Variants in KCTD5 observed in about 807,000 individuals in gnomAD.
KCTD5 encodes BTB/POZ domain-containing protein KCTD5.
A neutral mutation model predicts 27.9 loss-of-function variants in KCTD5; 12 were observed. That is an observed-to-expected ratio of 0.43 (90% CI 0.28 to 0.70). The LOEUF (loss-of-function observed/expected upper bound fraction) is 0.70, where lower values mean the gene tolerates loss of function less well. Ranked by LOEUF, KCTD5 falls within the 30% of genes least tolerant of loss-of-function variation. KCTD5 has a pLI of 0.19. For missense variants in KCTD5, 226 were observed against 274.8 expected, an observed-to-expected ratio of 0.82 and a Z score of 1.26; for synonymous variants, 147 against 121.4, an observed-to-expected ratio of 1.21 and a Z score of -1.39.
Position 2,707,478 on chromosome 16 carries a change from G to A in KCTD5, c.*151G>A, listed in dbSNP as rs745547850. The A allele has an allele frequency of 1.2e-6, 1 of 840,604 alleles. No homozygotes were observed. The allele number at this position is 840,604 out of a possible 1,614,324, so 52.1% of individuals were successfully genotyped here. On this transcript the variant is annotated 3_prime_UTR_variant, in exon 6 of 6. Transcript: ENST00000301738. ...TGAATCCTTTTTTGCCTCTGAGGTG[G>A]GTGGTGAGAGACGGGCCCAGCTGTC...
intron 5 of KCTD5, among the ~76,000 whole-genome samples, chr16:2,702,925 A>G (rs1452376324): frequency 6.6e-6 from 1 of 152,098 alleles, no homozygotes; most frequent in African/African-American, 2.4e-5. Context: ...CCCTGAGTGC[A>G]GGGGTGGGTA....
chr16:2,692,891 G>A (rs973971425), intron 1 of KCTD5, among the ~76,000 whole-genome samples: 1 of 152,268 alleles, frequency 6.6e-6, no homozygotes, highest in Non-Finnish European at 1.5e-5. Flanking sequence ...GGCCTTTCTG[G>A]GCCCCCAAGA....
At position 2,707,683 on chromosome 16, in the gene KCTD5, A is replaced by G; in HGVS notation, c.*356A>G. The stretch of plus-strand genomic sequence containing the variant: ...TTCTTGGTGCTACACACAGTCTGGA[A>G]AAGCAGCCTGGGCTTCACTGGCAGG... On this transcript the variant is annotated 3_prime_UTR_variant, in exon 6 of 6. Coordinates refer to ENST00000301738, the MANE Select transcript of KCTD5 (RefSeq NM_018992.4). The G allele has an allele frequency of 1.9e-6, 1 of 537,044 alleles. No homozygotes were observed. The highest frequency in any genetic ancestry group is 2.7e-5 in the South Asian group (1 of 37,702). 33.3% of individuals were successfully genotyped at this position (537,044 alleles called of 1,614,324 possible).
intron 4 of KCTD5, among the ~76,000 whole-genome samples, chr16:2,701,437 A>G (rs1226994657): frequency 6.6e-6 from 1 of 152,140 alleles, no homozygotes; most frequent in African/African-American, 2.4e-5. Context: ...AGGGCTTGGA[A>G]GTGGCTGTGA....
chr16:2,697,973 A>G lies in KCTD5; in HGVS notation c.429A>G (p.Arg143=), dbSNP rs748589453. 1 of 1,611,932 alleles carries G rather than the reference A, an allele frequency of 6.2e-7. No homozygotes were observed. Among genetic ancestry groups the G allele is most frequent in the East Asian group, 2.2e-5 (1 of 44,884 alleles). ...SLIKLVKDKI[R]ERDSKTSQVP... Reference sequence around the variant, plus strand: ...TAAAACTTGTAAAGGACAAAATTAGAGAACGAGACAGCAAAACATCGCAGG... The same window carrying G: ...TAAAACTTGTAAAGGACAAAATTAGGGAACGAGACAGCAAAACATCGCAGG... The change falls in exon 3 of 6, where the codon AGA becomes AGG. Residue 143 remains arginine, a synonymous_variant. Transcript: ENST00000301738.
chr16:2,707,812 G>C lies in KCTD5; in HGVS notation c.*485G>C. 4.0e-6 allele frequency: 1 copy of C among 250,888 alleles called. No homozygotes were observed. Among genetic ancestry groups the C allele is most frequent in the Non-Finnish European group, 7.6e-6 (1 of 131,484 alleles). 15.5% of individuals were successfully genotyped at this position (250,888 alleles called of 1,614,324 possible). On this transcript the variant is annotated 3_prime_UTR_variant, in exon 6 of 6. Transcript: ENST00000301738. ...TCTGCTCTGCCTCCCAGGCGGGATC[G>C]CTGGTTTCTCTCGACCTCGCAGAGC...
chr16:2,707,311 G>A lies in KCTD5; in HGVS notation c.689G>A (p.Arg230Gln), dbSNP rs201414149. ...GGTGTTTTTCAGATTTTGCAAGAAC[G>A]AGGCTCAAGGATGTGAGGGACACAG... ...PSEKAKILQE[R>Q]GSRM The change falls in exon 6 of 6, where the codon CGA becomes CAA. Residue 230 changes from arginine (R) to glutamine (Q), a missense_variant. By Grantham distance (43) the Arg-to-Gln change is conservative (BLOSUM62 1). Coordinates refer to ENST00000301738, the MANE Select transcript of KCTD5 (RefSeq NM_018992.4). The A allele has an allele frequency of 1.2e-5, 19 of 1,613,872 alleles. 1 individual carries two copies. The East Asian group carries it at 3.1e-4, about 26-fold the overall frequency.
intron 1 of KCTD5, among the ~76,000 whole-genome samples, chr16:2,687,798 A>G (rs1225926795): frequency 6.6e-6 from 1 of 152,160 alleles, no homozygotes; most frequent in Non-Finnish European, 1.5e-5. Flanking sequence ...AGCCTGGGGA[A>G]GAACCTGCCT....
chr16:2,685,437 AAAAAAG>A (rs2067536678), intron 1 of KCTD5, among the ~76,000 whole-genome samples: 1 of 151,590 alleles, frequency 6.6e-6, no homozygotes, highest in Admixed American at 6.6e-5. Context: ...AAAAAAAAAG[AAAAAAG>A]AAAAGGAGAA....
chr16:2,703,093 G>A (rs771728426), intron 5 of KCTD5, among the ~76,000 whole-genome samples: 5 of 152,188 alleles, frequency 3.3e-5, no homozygotes, highest in East Asian at 1.9e-4. Flanking sequence ...TGTTTTCTGC[G>A]GGGCAGGCAG....
intron 1 of KCTD5, among the ~76,000 whole-genome samples, chr16:2,684,927 G>C (rs1420721343): frequency 6.6e-6 from 1 of 152,186 alleles, no homozygotes; most frequent in South Asian, 2.1e-4. Context: ...GACAGAGGAA[G>C]ACTCTGTCTC....
intron 5 of KCTD5, among the ~76,000 whole-genome samples, chr16:2,703,202 C>T (rs1018550157): frequency 6.6e-6 from 1 of 152,154 alleles, no homozygotes; most frequent in East Asian, 1.9e-4. Flanking sequence ...CCTCTAAGCA[C>T]GTTCTTAAGG....
At chr16:2,696,865 G>A (rs2067588455) in intron 2 of KCTD5, among the ~76,000 whole-genome samples, 1 of 152,250 alleles carries the variant, frequency 6.6e-6, no homozygotes, top group African/African-American at 2.4e-5. Context: ...TCTTTGGCAG[G>A]GAATGTCTTT....
intron 1 of KCTD5, among the ~76,000 whole-genome samples, chr16:2,690,704 G>A (rs1388173237): frequency 6.6e-6 from 1 of 152,230 alleles, no homozygotes; most frequent in Non-Finnish European, 1.5e-5. Context: ...GCGGGCCGGG[G>A]CATCTTTCCT....
chr16:2,690,148 G>A (rs1209566276), intron 1 of KCTD5, among the ~76,000 whole-genome samples: 4 of 152,256 alleles, frequency 2.6e-5, no homozygotes, highest in Non-Finnish European at 5.9e-5. Flanking sequence ...ACACTTCTCT[G>A]AGTGTTGCTC....
At chr16:2,687,748 T>G in intron 1 of KCTD5, among the ~76,000 whole-genome samples, 1 of 151,852 alleles carries the variant, frequency 6.6e-6, no homozygotes, top group East Asian at 1.9e-4. Flanking sequence ...GCAGCCCCCC[T>G]CCACGCCCCA....
At position 2,699,808 on chromosome 16, in the gene KCTD5, A is replaced by G; in HGVS notation, c.454-13A>G. On this transcript the variant is annotated splice_polypyrimidine_tract_variant and intron_variant, in intron 3 of 5. Transcript: ENST00000301738. ...GGGTGGCCCGCCCTTACCTGTGCCC[A>G]TTGTCCTTGCAGGTGCCTGTGAAGC... 1 of 1,612,338 alleles carries G rather than the reference A, an allele frequency of 6.2e-7. No individual in the cohort carries two copies. The highest frequency in any genetic ancestry group is 8.5e-7 in the Non-Finnish European group (1 of 1,179,178).
Position 2,706,777 on chromosome 16 carries a change from T to C in KCTD5, c.676-521T>C, listed in dbSNP as rs955010689. Among the ~76,000 whole-genome samples, 6 of 150,340 alleles carry C rather than the reference T, an allele frequency of 4.0e-5. No individual in the cohort carries two copies. In the South Asian group the frequency reaches 6.3e-4, roughly 16 times the overall value. On this transcript the variant is annotated intron_variant, in intron 5 of 5. Coordinates refer to ENST00000301738, the MANE Select transcript of KCTD5 (RefSeq NM_018992.4). ...ACTTGGGGTAGGGCCCTCTGAGGGC[T>C]GGTGGTTGTTCCATGGGGCAGTCGG...
chr16:2,697,522 C>G (rs1025124994), intron 2 of KCTD5, among the ~76,000 whole-genome samples: 2 of 152,240 alleles, frequency 1.3e-5, no homozygotes, highest in Admixed American at 6.5e-5. Context: ...GCGTCGGCCT[C>G]CAGGCTTGGA....
Sources: gnomAD v4.1 joint callset for allele counts (sites outside exome capture counted in the v4.1 genomes callset) on GRCh38, gnomAD v4.1.1 for gene constraint, MANE v1.5 for transcripts, NCBI Gene and HGNC (gene_info 2026-07-23, HGNC 2026-07-21) for gene names.